BCL2: variants seen among roughly 807,000 people sequenced by gnomAD.
The protein encoded by BCL2 is BCL2 apoptosis regulator.
BCL2 carries 1 observed loss-of-function variant against 14.2 expected under a neutral mutation model. The observed-to-expected ratio is 0.07, with a 90% CI of 0.02 to 0.33. BCL2 has a LOEUF of 0.33. Ranked by LOEUF, BCL2 falls within the 10% of genes least tolerant of loss-of-function variation. The probability of loss-of-function intolerance (pLI) is 0.99; values close to 1 mark genes in which losing one functional copy is unlikely to be tolerated. For synonymous variants in BCL2, 151 were observed against 137.2 expected (o/e 1.10, Z -0.70); for missense variants, 247 against 305.9 (o/e 0.81, Z 1.44).
At chr18:63,202,330 C>T (rs1909717982) in intron 2 of BCL2, among the ~76,000 whole-genome samples, 1 of 152,068 alleles carries the variant, frequency 6.6e-6, no homozygotes, top group African/African-American at 2.4e-5. Flanking sequence ...AATATTCCTA[C>T]ATTCACATAA....
In BCL2 at chr18:63,318,425, G is replaced by A. The variant is rs1913573577; in HGVS notation, c.242C>T (p.Ala81Val). 1.3e-6 allele frequency: 2 copies of A among 1,490,686 alleles called. No individual in the cohort carries two copies. Among genetic ancestry groups the A allele is most frequent in the Non-Finnish European group, 1.8e-6 (2 of 1,130,534 alleles). 92.3% of individuals were successfully genotyped at this position (1,490,686 alleles called of 1,614,324 possible). The change falls in exon 2 of 3, where the codon GCC becomes GTC. Residue 81 changes from alanine to valine, a missense_variant. Coordinates refer to ENST00000333681, the MANE Select transcript of BCL2 (RefSeq NM_000633.3). The surrounding 1 kb of genome is among the most constrained non-coding windows in gnomAD (Gnocchi z 7.4). ...PLQTPAAPGA[A>V]AGPALSPVPP... ...CACCGGGCTGAGCGCAGGCCCCGCG[G>A]CGGCGCCGGGGGCAGCCGGGGTCTG...
Position 63,312,171 on chromosome 18 carries a change from T to C in BCL2, c.585+5911A>G, listed in dbSNP as rs566631786. ...ACTTCTGCTCCCTTTTGCTAGTATC[T>C]AAGCGCATTACGGTTTTCTTCAGGT... is the stretch of plus-strand genomic sequence containing the variant. On this transcript the variant is annotated intron_variant, in intron 2 of 2. Transcript: ENST00000333681. Among the ~76,000 whole-genome samples, 109 of 152,344 alleles carry C rather than the reference T, an allele frequency of 7.2e-4. 1 individual carries two copies. The highest frequency in any genetic ancestry group is 2.6e-3 in the African/African-American group (107 of 41,578).
chr18:63,133,628 T>C (rs1489603624), intron 2 of BCL2, among the ~76,000 whole-genome samples: 1 of 152,026 alleles, frequency 6.6e-6, no homozygotes, highest in Non-Finnish European at 1.5e-5. Flanking sequence ...TGAGAATTTT[T>C]TTTAAAAAAG....
intron 2 of BCL2, among the ~76,000 whole-genome samples, chr18:63,226,894 T>C (rs1423129471): frequency 6.6e-6 from 1 of 151,878 alleles, no homozygotes; most frequent in Non-Finnish European, 1.5e-5. Context: ...AGGTCCAATA[T>C]ACATATAAAA....
chr18:63,302,352 G>A, intron 2 of BCL2: 1 of 984,368 alleles, frequency 1.0e-6, no homozygotes, highest in Non-Finnish European at 1.2e-6. Flanking sequence ...GGAAATAGTT[G>A]GTGGCTTGTT....
chr18:63,129,212 CACACTCCTCG>C (rs1352404381), intron 2 of BCL2, among the ~76,000 whole-genome samples: 3 of 152,024 alleles, frequency 2.0e-5, no homozygotes, highest in Non-Finnish European at 2.9e-5. Context: ...TGATGACCGT[CACACTCCTCG>C]ATTGAGTGTT....
chr18:63,169,975 A>T (rs1032795979), intron 2 of BCL2, among the ~76,000 whole-genome samples: 4 of 152,166 alleles, frequency 2.6e-5, no homozygotes, highest in Non-Finnish European at 5.9e-5. Flanking sequence ...AAGCAAACTC[A>T]TGTCATCAAT....
intron 2 of BCL2, among the ~76,000 whole-genome samples, chr18:63,236,422 G>T (rs1910830295): frequency 1.5e-5 from 1 of 68,332 alleles, no homozygotes. Flanking sequence ...TGGGCTCGTG[G>T]TCTATTGTCC....
At chr18:63,267,860 C>G (rs1221579922) in intron 2 of BCL2, among the ~76,000 whole-genome samples, 1 of 152,148 alleles carries the variant, frequency 6.6e-6, no homozygotes, top group Non-Finnish European at 1.5e-5. Context: ...CTTCCTCCCT[C>G]TCTCCCTTCT....
intron 2 of BCL2, among the ~76,000 whole-genome samples, chr18:63,219,317 G>A (rs1278294832): frequency 1.3e-5 from 2 of 152,042 alleles, no homozygotes; most frequent in Non-Finnish European, 2.9e-5. Flanking sequence ...AAAAGTGATT[G>A]TCCTTTCTCC....
chr18:63,312,795 CT>C (rs1196314469), intron 2 of BCL2, among the ~76,000 whole-genome samples: 2 of 152,222 alleles, frequency 1.3e-5, no homozygotes, highest in Admixed American at 1.3e-4. Context: ...TCCAGTCAGT[CT>C]AATCGGAGCC....
chr18:63,289,326 T>G (rs1912572657), intron 2 of BCL2, among the ~76,000 whole-genome samples: 1 of 151,766 alleles, frequency 6.6e-6, no homozygotes, highest in African/African-American at 2.4e-5. Context: ...ATCAGCGGGG[T>G]CACTCCCAAC....
intron 2 of BCL2, among the ~76,000 whole-genome samples, chr18:63,313,522 C>A (rs1215298571): frequency 6.6e-6 from 1 of 152,190 alleles, no homozygotes; most frequent in African/African-American, 2.4e-5. Flanking sequence ...ACCTTTGAAT[C>A]TCAAATACAA....
intron 2 of BCL2, among the ~76,000 whole-genome samples, chr18:63,212,647 C>T (rs772689104): frequency 6.6e-6 from 1 of 152,102 alleles, no homozygotes; most frequent in Admixed American, 6.5e-5. Flanking sequence ...GAGATCCAGG[C>T]GGGCGGATCA....
intron 2 of BCL2, among the ~76,000 whole-genome samples, chr18:63,270,256 G>C (rs935237751): frequency 2.6e-5 from 4 of 152,038 alleles, no homozygotes; most frequent in Non-Finnish European, 4.4e-5. Flanking sequence ...CTTTTTCCTA[G>C]AGATATACAA....
At chr18:63,207,185 A>G (rs960804) in intron 2 of BCL2, among the ~76,000 whole-genome samples, 90,357 of 152,176 alleles carry the variant, frequency 0.59, 28,921 homozygotes, top group Non-Finnish European at 0.73. Flanking sequence ...GAGACCGCCA[A>G]GCGTTCCAGG....
Position 63,126,983 on chromosome 18 carries a change from T to A in BCL2, c.*1642A>T. 4.4e-6 allele frequency: 1 copy of A among 227,776 alleles called. No homozygotes were observed. Among genetic ancestry groups the A allele is most frequent in the Non-Finnish European group, 8.7e-6 (1 of 114,418 alleles). 14.1% of individuals were successfully genotyped at this position (227,776 alleles called of 1,614,324 possible). A position where few individuals can be genotyped will look rare whatever the true frequency, so the allele number is the denominator to read the frequency against. On this transcript the variant is annotated 3_prime_UTR_variant, in exon 3 of 3. Transcript: ENST00000333681. ...AAGAAAAAAAAATTTCCTAGTTTAT[T>A]TGCTGAAGATGTCACTTCTTTTGTT... is the stretch of plus-strand genomic sequence containing the variant.
chr18:63,163,617 T>C (rs1183483222), intron 2 of BCL2, among the ~76,000 whole-genome samples: 1 of 152,212 alleles, frequency 6.6e-6, no homozygotes, highest in Non-Finnish European at 1.5e-5. Flanking sequence ...AGTAGGAAGT[T>C]ATGTGGAGAG....
Position 63,249,658 on chromosome 18 carries a change from T to C in BCL2, c.585+68424A>G, listed in dbSNP as rs1911248693. 2.2e-5 allele frequency among the ~76,000 whole-genome samples: 3 copies of C among 135,932 alleles called. No homozygotes were observed. In the Admixed American group the frequency reaches 2.6e-4, roughly 12 times the overall value. The allele number at this position is 135,932 out of a possible 152,430, so 89.2% of individuals were successfully genotyped here. On this transcript the variant is annotated intron_variant, in intron 2 of 2. Coordinates refer to ENST00000333681, the MANE Select transcript of BCL2 (RefSeq NM_000633.3). The stretch of plus-strand genomic sequence containing the variant: ...CCAGGAGGCGGAAGTTGCAGTGAGC[T>C]GAGATTGCACCACTGCACTCCAGCC...
Sources: gnomAD v4.1 joint callset for allele counts (sites outside exome capture counted in the v4.1 genomes callset) on GRCh38, gnomAD v4.1.1 for gene constraint, Gnocchi (gnomAD v3.1) non-coding constraint, MANE v1.5 for transcripts, NCBI Gene and HGNC (gene_info 2026-07-23, HGNC 2026-07-21) for gene names.